SNX3: variants seen among roughly 807,000 people sequenced by gnomAD.
SNX3 encodes the protein sorting nexin-3.
In SNX3, 5 loss-of-function variants were observed where a neutral mutation model predicts 17.7. The observed-to-expected ratio is 0.28, with a 90% CI of 0.15 to 0.59. SNX3 has a LOEUF of 0.59. Among genes scored for constraint, SNX3 ranks in the 20% least tolerant of loss-of-function variants. The pLI, the probability that SNX3 is intolerant of heterozygous loss-of-function variation, is 0.88. For missense variants in SNX3, 132 were observed against 206.8 expected (o/e 0.64, Z 2.22); for synonymous variants, 91 against 76.5 (o/e 1.19, Z -0.99).
intron 1 of SNX3, among the ~76,000 whole-genome samples, chr6:108,229,639 G>C (rs546430085): frequency 2.6e-4 from 39 of 152,290 alleles, no homozygotes; most frequent in African/African-American, 8.9e-4. Context: ...CCATGCTAGG[G>C]TAAAATGGCG....
intron 1 of SNX3, 36 bp downstream of exon 1, chr6:108,260,724 G>C (rs1484670884): frequency 6.2e-7 from 1 of 1,612,458 alleles, no homozygotes. Context: ...GAGCCAGCGG[G>C]AGGGGTTTCT....
At chr6:108,246,502 G>GT (rs1775695774) in intron 1 of SNX3, among the ~76,000 whole-genome samples, 1 of 137,668 alleles carries the variant, frequency 7.3e-6, no homozygotes, top group Admixed American at 7.3e-5. Flanking sequence ...TTTTTTTTTT[G>GT]TATTTTTAGT....
At chr6:108,226,589 C>A (rs1017645371) in intron 1 of SNX3, among the ~76,000 whole-genome samples, 1 of 152,150 alleles carries the variant, frequency 6.6e-6, no homozygotes, top group South Asian at 2.1e-4. Context: ...AAGTTAAGTG[C>A]CACCTGAAGG....
intron 1 of SNX3, among the ~76,000 whole-genome samples, chr6:108,239,021 C>T (rs1775439191): frequency 6.6e-6 from 1 of 152,074 alleles, no homozygotes; most frequent in South Asian, 2.1e-4. Context: ...CTATGTCAGC[C>T]TCCCGAGTAG....
chr6:108,239,299 C>G (rs891641923), intron 1 of SNX3, among the ~76,000 whole-genome samples: 2 of 152,060 alleles, frequency 1.3e-5, no homozygotes, highest in African/African-American at 4.8e-5. Flanking sequence ...ATTAACAGTA[C>G]GATCATGCCA....
intron 1 of SNX3, among the ~76,000 whole-genome samples, chr6:108,226,988 A>T (rs915662949): frequency 6.6e-6 from 1 of 152,168 alleles, no homozygotes; most frequent in African/African-American, 2.4e-5. Flanking sequence ...ATTATACTAA[A>T]AGTCAAGCTT....
intron 1 of SNX3, among the ~76,000 whole-genome samples, chr6:108,247,079 G>A (rs148973272): frequency 2.0e-5 from 3 of 152,180 alleles, no homozygotes; most frequent in Admixed American, 6.5e-5. Context: ...TGCTCTTCTC[G>A]TGATAATGAG....
chr6:108,211,955 C>A lies in SNX3; in HGVS notation c.*194G>T, dbSNP rs978311576. 1 of 487,410 alleles carries A rather than the reference C, an allele frequency of 2.1e-6. No individual in the cohort carries two copies. Among genetic ancestry groups the A allele is most frequent in the Non-Finnish European group, 3.6e-6 (1 of 276,852 alleles). The allele number at this position is 487,410 out of a possible 1,614,324, so 30.2% of individuals were successfully genotyped here. A position where few individuals can be genotyped will look rare whatever the true frequency, so the allele number is the denominator to read the frequency against. On this transcript the variant is annotated 3_prime_UTR_variant, in exon 4 of 4. Transcript: ENST00000230085. ...AGAAAGAGCTATTTATATAGAAAGG[C>A]TGGAATGAGGGATTTTTACTAAAGC...
chr6:108,236,514 G>A (rs1775343397), intron 1 of SNX3, among the ~76,000 whole-genome samples: 1 of 150,058 alleles, frequency 6.7e-6, no homozygotes, highest in Non-Finnish European at 1.5e-5. Flanking sequence ...CTCCCGAGTA[G>A]CTGGGACTAC....
At chr6:108,229,948 C>T (rs757706488) in intron 1 of SNX3, among the ~76,000 whole-genome samples, 4 of 152,086 alleles carry the variant, frequency 2.6e-5, no homozygotes, top group Non-Finnish European at 5.9e-5. Context: ...AGAGAAGTTA[C>T]TACAGAAGTA....
chr6:108,225,822 G>A (rs1774957386), intron 1 of SNX3, among the ~76,000 whole-genome samples: 1 of 151,796 alleles, frequency 6.6e-6, no homozygotes, highest in Non-Finnish European at 1.5e-5. Context: ...GACTGCTTGA[G>A]GCCAAGAGTT....
intron 1 of SNX3, among the ~76,000 whole-genome samples, chr6:108,229,526 GCCT>G (rs1262132422): frequency 6.9e-6 from 1 of 145,740 alleles, no homozygotes; most frequent in Non-Finnish European, 1.5e-5. Context: ...TTCCACCTCA[GCCT>G]CCCAAAGTGC....
At chr6:108,248,110 CAA>C (rs1258499151) in intron 1 of SNX3, among the ~76,000 whole-genome samples, 1 of 152,144 alleles carries the variant, frequency 6.6e-6, no homozygotes, top group Non-Finnish European at 1.5e-5. Flanking sequence ...CAGTGAAGCA[CAA>C]AAGAGACAGG....
intron 2 of SNX3, among the ~76,000 whole-genome samples, chr6:108,221,919 T>C (rs1412837313): frequency 1.3e-5 from 2 of 152,132 alleles, no homozygotes; most frequent in Non-Finnish European, 2.9e-5. Context: ...TCTAGTTTTA[T>C]TCATATTTAA....
At chr6:108,258,433 G>A (rs140606198) in intron 1 of SNX3, among the ~76,000 whole-genome samples, 7,560 of 151,520 alleles carry the variant, frequency 0.05, 279 homozygotes, top group South Asian at 0.18. Context: ...ACTGCAGCCT[G>A]GGCAACAGAG....
At chr6:108,251,633 A>AG (rs1243158647) in intron 1 of SNX3, among the ~76,000 whole-genome samples, 2 of 152,234 alleles carry the variant, frequency 1.3e-5, no homozygotes, top group Non-Finnish European at 2.9e-5. Context: ...GGAGAAAAAA[A>AG]CCAAAAAAAC....
Position 108,211,393 on chromosome 6 carries a change from TG to T in SNX3, c.*755del, listed in dbSNP as rs1774401544. On this transcript the variant is annotated 3_prime_UTR_variant, in exon 4 of 4. Coordinates refer to ENST00000230085, the MANE Select transcript of SNX3 (RefSeq NM_003795.6). ...ATGGAAGTATATTTGATATCACCAC[TG>T]TTTAAAGGGAATGGAGTTACAGGAA... is the stretch of plus-strand genomic sequence containing the variant. The T allele has an allele frequency of 1.3e-5, 2 of 152,176 alleles. No individual in the cohort carries two copies. Among genetic ancestry groups the T allele is most frequent in the South Asian group, 4.2e-4 (2 of 4,816 alleles). The allele number at this position is 152,176 out of a possible 1,614,324, so 9.4% of individuals were successfully genotyped here.
intron 1 of SNX3, among the ~76,000 whole-genome samples, chr6:108,256,519 C>T (rs1009088697): frequency 1.3e-5 from 2 of 152,198 alleles, no homozygotes; most frequent in Non-Finnish European, 2.9e-5. Flanking sequence ...CCATTTAGTC[C>T]TAAGAGGTAG....
intron 1 of SNX3, among the ~76,000 whole-genome samples, chr6:108,241,113 G>A (rs1049529031): frequency 4.5e-5 from 6 of 131,904 alleles, no homozygotes; most frequent in Admixed American, 9.0e-5. Flanking sequence ...CACTGCACTC[G>A]AGCCTGAGCG....
Sources: gnomAD v4.1 joint callset for allele counts (sites outside exome capture counted in the v4.1 genomes callset) on GRCh38, gnomAD v4.1.1 for gene constraint, MANE v1.5 for transcripts, NCBI Gene and HGNC (gene_info 2026-07-23, HGNC 2026-07-21) for gene names.